PMS1: variants seen among roughly 807,000 people sequenced by gnomAD.
PMS1 encodes the protein PMS1 protein homolog 1.
In PMS1, 79 loss-of-function variants were observed where a neutral mutation model predicts 93.1. The observed-to-expected ratio is 0.85, with a 90% confidence interval of 0.71 to 1.02. The LOEUF is 1.02. Ranked by LOEUF, PMS1 falls within the 50% of genes least tolerant of loss-of-function variation. The pLI, the probability that PMS1 is intolerant of heterozygous loss-of-function variation, is 0.00. For synonymous variants in PMS1, 335 were observed against 363.4 expected (o/e 0.92, Z 0.89); for missense variants, 1,064 against 1,085.3 (o/e 0.98, Z 0.28).
intron 5 of PMS1, among the ~76,000 whole-genome samples, chr2:189,841,588 A>G (rs1233257): frequency 0.018 from 2,700 of 152,034 alleles, 79 homozygotes; most frequent in African/African-American, 0.061. Context: ...TTCACCTTTC[A>G]TCTTATTATA....
intron 5 of PMS1, among the ~76,000 whole-genome samples, chr2:189,837,763 A>G (rs982715199): frequency 6.6e-6 from 1 of 152,250 alleles, no homozygotes; most frequent in Non-Finnish European, 1.5e-5. Flanking sequence ...CAGTTATAAT[A>G]GCCAAAAAGT....
rs1396332757 is a variant in PMS1, at chr2:189,835,308, A to T, written c.583-8656A>T. Among the ~76,000 whole-genome samples, 3 of 152,354 alleles carry T rather than the reference A, an allele frequency of 2.0e-5. No homozygotes were observed. The East Asian group carries it at 5.8e-4, about 29-fold the overall frequency. ...CATTTTTGAAAGTTTGAGGCTGCTT[A>T]GCAATAATCAATTCATATTAATGTT... On this transcript the variant is annotated intron_variant, in intron 5 of 12. Coordinates refer to ENST00000441310, the MANE Select transcript of PMS1 (RefSeq NM_000534.5).
chr2:189,862,989 G>T (rs1012026246), intron 9 of PMS1, among the ~76,000 whole-genome samples: 1 of 152,160 alleles, frequency 6.6e-6, no homozygotes, highest in African/African-American at 2.4e-5. Flanking sequence ...ACAGCTCTGT[G>T]TCCTGGTGAC....
intron 9 of PMS1, chr2:189,855,840 TA>T: frequency 2.8e-6 from 3 of 1,061,652 alleles, no homozygotes; most frequent in Non-Finnish European, 3.7e-6. Context: ...ACACTTAATA[TA>T]AACACAAAAT....
At chr2:189,812,010 T>C (rs2050888526) in intron 4 of PMS1, among the ~76,000 whole-genome samples, 1 of 152,156 alleles carries the variant, frequency 6.6e-6, no homozygotes, top group Non-Finnish European at 1.5e-5. Context: ...TTTTTAAATT[T>C]AAAATTACAG....
intron 4 of PMS1, 78 bp downstream of exon 4, chr2:189,805,832 G>C: frequency 6.3e-7 from 1 of 1,582,374 alleles, no homozygotes; most frequent in Non-Finnish European, 8.6e-7. Flanking sequence ...AAAGTTACTC[G>C]GTGAATACAA....
At chr2:189,837,232 A>G (rs1317606190) in intron 5 of PMS1, among the ~76,000 whole-genome samples, 1 of 148,664 alleles carries the variant, frequency 6.7e-6, no homozygotes, top group Admixed American at 6.7e-5. Flanking sequence ...AGGGTGAGCC[A>G]CTCCCACCTC....
At chr2:189,870,742 T>C (rs911927273) in intron 11 of PMS1, among the ~76,000 whole-genome samples, 1 of 152,216 alleles carries the variant, frequency 6.6e-6, no homozygotes, top group African/African-American at 2.4e-5. Flanking sequence ...CTTAGACTGA[T>C]ATTTTTGGCA....
intron 5 of PMS1, among the ~76,000 whole-genome samples, chr2:189,836,092 C>T (rs558762080): frequency 3.3e-4 from 50 of 152,316 alleles, no homozygotes; most frequent in African/African-American, 1.2e-3. Flanking sequence ...TAGCATTGTA[C>T]TATTCACTTA....
At chr2:189,802,374 TATAAG>T (rs1435913582) in intron 3 of PMS1, among the ~76,000 whole-genome samples, 13 of 152,188 alleles carry the variant, frequency 8.5e-5, no homozygotes, top group Admixed American at 6.5e-5. Context: ...TTAAGAAAAT[TATAAG>T]AGAAAATAAA....
intron 4 of PMS1, among the ~76,000 whole-genome samples, chr2:189,812,936 C>CACTGGA (rs2050968729): frequency 6.6e-6 from 1 of 152,120 alleles, no homozygotes; most frequent in African/African-American, 2.4e-5. Context: ...TGTACCTTAC[C>CACTGGA]ATTATGAGCC....
At chr2:189,819,481 A>G (rs2051632452) in intron 5 of PMS1, among the ~76,000 whole-genome samples, 1 of 152,166 alleles carries the variant, frequency 6.6e-6, no homozygotes, top group African/African-American at 2.4e-5. Flanking sequence ...AGGTTATACT[A>G]ATTTACATTC....
At chr2:189,854,212 C>T (rs2106459747) in intron 8 of PMS1, 27 bp from the exon 9 acceptor site, 1 of 1,537,282 alleles carries the variant, frequency 6.5e-7, no homozygotes, top group Non-Finnish European at 8.9e-7. Context: ...ATAATTTCCC[C>T]TAACATTTGT....
At chr2:189,834,335 A>G (rs1029033189) in intron 5 of PMS1, among the ~76,000 whole-genome samples, 2 of 152,204 alleles carry the variant, frequency 1.3e-5, no homozygotes, top group African/African-American at 2.4e-5. Flanking sequence ...TGAGGCTACG[A>G]AGCTTGCTTG....
At chr2:189,804,499 T>TA (rs2050167133) in intron 3 of PMS1, among the ~76,000 whole-genome samples, 1 of 152,142 alleles carries the variant, frequency 6.6e-6, no homozygotes, top group African/African-American at 2.4e-5. Flanking sequence ...GCGCCCCTAG[T>TA]AAGAGTTTCA....
intron 5 of PMS1, among the ~76,000 whole-genome samples, chr2:189,824,705 A>G (rs1382494128): frequency 1.3e-5 from 2 of 152,116 alleles, no homozygotes; most frequent in Non-Finnish European, 2.9e-5. Flanking sequence ...CTTTTTGTAA[A>G]ATTAAGTATT....
intron 9 of PMS1, among the ~76,000 whole-genome samples, chr2:189,859,121 T>C (rs1019915998): frequency 1.4e-4 from 21 of 152,300 alleles, no homozygotes; most frequent in African/African-American, 5.1e-4. Flanking sequence ...AGTAATCTTT[T>C]AGCAAAGTTA....
chr2:189,875,529 C>A (rs1467067006), intron 12 of PMS1, among the ~76,000 whole-genome samples: 1 of 152,030 alleles, frequency 6.6e-6, no homozygotes, highest in Non-Finnish European at 1.5e-5. Context: ...GAATAGACGA[C>A]ATTTGCCAGT....
At chr2:189,873,082 G>A (rs547248219) in intron 11 of PMS1, among the ~76,000 whole-genome samples, 7 of 152,084 alleles carry the variant, frequency 4.6e-5, no homozygotes, top group East Asian at 3.9e-4. Flanking sequence ...TTTATAATTC[G>A]TAAGTTAAAA....
Sources: gnomAD v4.1 joint callset for allele counts (sites outside exome capture counted in the v4.1 genomes callset) on GRCh38, gnomAD v4.1.1 for gene constraint, MANE v1.5 for transcripts, NCBI Gene and HGNC (gene_info 2026-07-23, HGNC 2026-07-21) for gene names.